BSN: variants seen among roughly 807,000 people sequenced by gnomAD.
BSN encodes the protein protein bassoon.
BSN carries 57 observed loss-of-function variants against 264.8 expected under a neutral mutation model. The observed-to-expected ratio is 0.22, with a 90% CI of 0.17 to 0.27. BSN has a LOEUF of 0.27. BSN is among the 10% of genes least tolerant of loss of function. BSN has a pLI of 1.00. For synonymous variants in BSN, 2,059 were observed against 2,137.3 expected (o/e 0.96, Z 1.01); for missense variants, 4,615 against 5,232.5 (o/e 0.88, Z 3.64).
At chr3:49,573,145 A>G (rs1338561748) in intron 1 of BSN, among the ~76,000 whole-genome samples, 5 of 152,196 alleles carry the variant, frequency 3.3e-5, no homozygotes, top group Non-Finnish European at 7.4e-5. Context: ...TCAAAATTCT[A>G]TTGAAGGAGT....
At chr3:49,587,428 G>T (rs946156000) in intron 1 of BSN, among the ~76,000 whole-genome samples, 26 of 152,142 alleles carry the variant, frequency 1.7e-4, no homozygotes, top group African/African-American at 6.0e-4. Flanking sequence ...TTGGACTTAA[G>T]TACTGTTGTT....
At chr3:49,592,576 A>T (rs565005607) in intron 1 of BSN, among the ~76,000 whole-genome samples, 245 of 147,996 alleles carry the variant, frequency 1.7e-3, no homozygotes, top group Non-Finnish European at 2.4e-3. Context: ...ACACGGTGAA[A>T]CCCCGTCTCT....
chr3:49,594,141 C>T (rs2108026845), intron 1 of BSN, among the ~76,000 whole-genome samples: 1 of 152,276 alleles, frequency 6.6e-6, no homozygotes, highest in South Asian at 2.1e-4. Context: ...AATACATTCT[C>T]CCAGTCTGTA....
intron 1 of BSN, among the ~76,000 whole-genome samples, chr3:49,569,194 A>G (rs1363289201): frequency 6.6e-6 from 1 of 152,098 alleles, no homozygotes; most frequent in African/African-American, 2.4e-5. Flanking sequence ...GTGAGATGTT[A>G]GGTAGGCAGC....
intron 1 of BSN, among the ~76,000 whole-genome samples, chr3:49,616,827 CA>C (rs1003341690): frequency 2.6e-5 from 4 of 152,186 alleles, no homozygotes; most frequent in East Asian, 1.9e-4. Flanking sequence ...GGGCTTCTGA[CA>C]GAGGGGAGCC....
At chr3:49,626,415 G>C (rs913840603) in intron 2 of BSN, among the ~76,000 whole-genome samples, 2 of 152,110 alleles carry the variant, frequency 1.3e-5, no homozygotes, top group African/African-American at 4.8e-5. Context: ...AGGTGCTGTG[G>C]GTGTGGGACG....
Position 49,642,814 on chromosome 3 carries a change from G to A in BSN, c.1180G>A (p.Glu394Lys), listed in dbSNP as rs1042128800. ...GATCGTCTTCAATGATGCCAGCAAGGAGGCTGGCCCAAAACCCTTGGGCTC... is the reference window on the plus strand; with the variant it reads ...GATCGTCTTCAATGATGCCAGCAAGAAGGCTGGCCCAAAACCCTTGGGCTC... ...PKIVFNDASK[E>K]AGPKPLGSGP... Residue 394 changes from glutamate to lysine, a missense_variant, in exon 3 of 12, where the codon GAG (glutamate) becomes AAG (lysine). Transcript: ENST00000296452. The surrounding 1 kb of genome is among the most constrained non-coding windows in gnomAD (Gnocchi z 7.0). The A allele has an allele frequency of 6.2e-7, 1 of 1,613,052 alleles. No homozygotes were observed. Among genetic ancestry groups the A allele is most frequent in the Non-Finnish European group, 8.5e-7 (1 of 1,179,758 alleles).
chr3:49,563,337 T>C (rs2051729505), intron 1 of BSN, among the ~76,000 whole-genome samples: 1 of 152,230 alleles, frequency 6.6e-6, no homozygotes, highest in African/African-American at 2.4e-5. Context: ...CAGAGCCTGC[T>C]GCAGGCTCCC....
Position 49,653,968 on chromosome 3 carries a change from C to G in BSN, c.4412C>G (p.Ser1471Cys). 1.2e-6 allele frequency: 2 copies of G among 1,614,094 alleles called. No individual in the cohort carries two copies. Among genetic ancestry groups the G allele is most frequent in the Non-Finnish European group, 1.7e-6 (2 of 1,180,016 alleles). The change falls in exon 5 of 12, where the codon TCC becomes TGC. Residue 1471 changes from serine to cysteine, a missense_variant. This residue lies in a region of BSN where 3,415 missense variants were observed against 3,866.4 expected (regional missense o/e 0.88). Transcript: ENST00000296452. This position sits in a 1 kb window ranked among gnomAD's most constrained non-coding sequence, Gnocchi z 6.3. ...ACTCCTCAGCCTTCCCGGGCATATT[C>G]CTACTTTGCAAGCTCCAGCCCACCT... ...GGTPQPSRAY[S>C]YFASSSPPLS...
chr3:49,624,074 C>T (rs938188715), intron 1 of BSN, among the ~76,000 whole-genome samples: 3 of 152,022 alleles, frequency 2.0e-5, no homozygotes, highest in Non-Finnish European at 4.4e-5. Flanking sequence ...GATCTTGGCT[C>T]ACTGCAAGCT....
chr3:49,610,596 A>AAAAC (rs1553662613), intron 1 of BSN, among the ~76,000 whole-genome samples: 2 of 151,330 alleles, frequency 1.3e-5, no homozygotes, highest in Non-Finnish European at 3.0e-5. Flanking sequence ...AAAAAAAAAA[A>AAAAC]AAAAAAAAAA....
intron 1 of BSN, among the ~76,000 whole-genome samples, chr3:49,563,587 C>A (rs1056695292): frequency 6.6e-6 from 1 of 152,236 alleles, no homozygotes; most frequent in Non-Finnish European, 1.5e-5. Flanking sequence ...GTTCTCTCTG[C>A]AGCTTCTGCA....
At chr3:49,589,281 T>G (rs2051959840) in intron 1 of BSN, among the ~76,000 whole-genome samples, 3 of 151,918 alleles carry the variant, frequency 2.0e-5, no homozygotes. Context: ...TTTTATTTTC[T>G]TGTTGATCTT....
Position 49,662,323 on chromosome 3 carries a change from T to A in BSN, c.10478T>A (p.Val3493Glu). 2 of 1,613,458 alleles carry A rather than the reference T, an allele frequency of 1.2e-6. No individual in the cohort carries two copies. Among genetic ancestry groups the A allele is most frequent in the Middle Eastern group, 1.7e-4 (1 of 6,054 alleles). The change falls in exon 6 of 12, where the codon GTA (valine) becomes GAA (glutamate). Residue 3493 changes from valine (V) to glutamate (E), a missense_variant. By Grantham distance (121) the Val-to-Glu change is moderately radical (BLOSUM62 -2). This residue lies in a region of BSN where 3,415 missense variants were observed against 3,866.4 expected (regional missense o/e 0.88). Transcript: ENST00000296452. The stretch of plus-strand genomic sequence containing the variant: ...TCCCTAAGTATGGCCCACAGCCGGG[T>A]ACGACCCCCCATGCGGAGCCAGGCC... ...PSSLSMAHSR[V>E]RPPMRSQASE...
At chr3:49,616,585 G>A (rs1460447207) in intron 1 of BSN, among the ~76,000 whole-genome samples, 1 of 152,176 alleles carries the variant, frequency 6.6e-6, no homozygotes, top group Non-Finnish European at 1.5e-5. Flanking sequence ...GAAGGCGGTG[G>A]GGGGCATGCT....
intron 1 of BSN, among the ~76,000 whole-genome samples, chr3:49,579,195 C>A (rs2051873779): frequency 6.6e-6 from 1 of 151,586 alleles, no homozygotes; most frequent in Non-Finnish European, 1.5e-5. Flanking sequence ...TCCTATGTTG[C>A]CCAGGCTGGT....
At position 49,655,354 on chromosome 3, in the gene BSN, C is replaced by T. The variant is rs1035524342; in HGVS notation, c.5798C>T (p.Pro1933Leu). ...GAGAAGAGCATGGCAGATGCTGCCC[C>T]ACCTGGCCAAAGCAGCAGCCCCTTC... ...VPEKSMADAA[P>L]PGQSSSPFYG... The change falls in exon 5 of 12, where the codon CCA becomes CTA. Residue 1933 changes from proline (P) to leucine (L), a missense_variant. By Grantham distance (98) the Pro-to-Leu change is moderately conservative. Coordinates refer to ENST00000296452, the MANE Select transcript of BSN (RefSeq NM_003458.4). 4.4e-6 allele frequency: 7 copies of T among 1,597,630 alleles called. No individual in the cohort carries two copies. Among genetic ancestry groups the T allele is most frequent in the Non-Finnish European group, 6.0e-6 (7 of 1,171,708 alleles).
chr3:49,660,569 C>T lies in BSN; in HGVS notation c.8724C>T (p.Pro2908=), dbSNP rs779089863. 6 of 1,605,148 alleles carry T rather than the reference C, an allele frequency of 3.7e-6. No homozygotes were observed. Among genetic ancestry groups the T allele is most frequent in the South Asian group, 2.2e-5 (2 of 90,418 alleles). The change falls in exon 6 of 12, where the codon CCC becomes CCT. Residue 2908 remains proline (P), a synonymous_variant. Transcript: ENST00000296452. This position sits in a 1 kb window ranked among gnomAD's most constrained non-coding sequence, Gnocchi z 7.1. ...PSPPPEEAHL[P]LAGQASPQLY... ...CCCCTCCAGAGGAGGCTCACCTTCC[C>T]CTGGCTGGCCAGGCCTCCCCACAGC... is the stretch of plus-strand genomic sequence containing the variant.
intron 1 of BSN, among the ~76,000 whole-genome samples, chr3:49,560,434 TG>T (rs1250112705): frequency 1.3e-5 from 2 of 152,244 alleles, no homozygotes; most frequent in Non-Finnish European, 2.9e-5. Context: ...TCCACCTGCT[TG>T]GCCATTCAGC....
Sources: gnomAD v4.1 joint callset for allele counts (sites outside exome capture counted in the v4.1 genomes callset) on GRCh38, gnomAD v4.1.1 for gene constraint, gnomAD v4.1.1 regional missense constraint, Gnocchi (gnomAD v3.1) non-coding constraint, MANE v1.5 for transcripts, NCBI Gene and HGNC (gene_info 2026-07-23, HGNC 2026-07-21) for gene names.